Variants in DSE observed in about 807,000 individuals in gnomAD.
The protein encoded by DSE is dermatan sulfate epimerase.
In DSE, 36 loss-of-function variants were observed where a neutral mutation model predicts 84.4. That is an observed-to-expected ratio of 0.43 (90% CI 0.33 to 0.56). DSE has a LOEUF of 0.56. Among genes scored for constraint, DSE ranks in the 20% least tolerant of loss-of-function variants. The probability of loss-of-function intolerance (pLI) is 0.06; values close to 1 mark genes in which losing one functional copy is unlikely to be tolerated. For missense variants in DSE, 862 were observed against 1,169.6 expected (o/e 0.74, Z 3.84); for synonymous variants, 410 against 430.1 (o/e 0.95, Z 0.58).
At position 116,279,512 on chromosome 6, in the gene DSE, C is replaced by T. The variant is rs778066670; in HGVS notation, c.-54+20545C>T. On this transcript the variant is annotated intron_variant, in intron 2 of 3. Coordinates refer to the DSE transcript ENST00000430252. ...ATCACCACAGAAGCGGCTGCCAGGC[C>T]TTCGGCGGGAGGCTGGCCCTCTTCC... The T allele has an allele frequency of 2.5e-6, 4 of 1,609,290 alleles. No homozygotes were observed. In the East Asian group the frequency reaches 8.9e-5, roughly 36 times the overall value.
chr6:116,373,203 C>CA (rs1441964762), intron 1 of DSE, among the ~76,000 whole-genome samples: 2 of 151,850 alleles, frequency 1.3e-5, no homozygotes, highest in African/African-American at 4.8e-5. Flanking sequence ...AAATACAAAA[C>CA]AAAAAATAAA....
At chr6:116,355,050 C>T (rs757339714) in intron 2 of DSE, among the ~76,000 whole-genome samples, 2 of 152,094 alleles carry the variant, frequency 1.3e-5, no homozygotes, top group Non-Finnish European at 2.9e-5. Context: ...TACCTATATG[C>T]GTAATTCATT....
intron 2 of DSE, chr6:116,278,573 G>T: frequency 6.2e-7 from 1 of 1,614,194 alleles, no homozygotes; most frequent in Non-Finnish European, 8.5e-7. Flanking sequence ...CTTAGCGGGC[G>T]ACGTCGGGCT....
At chr6:116,378,715 C>T (rs546856276) in intron 1 of DSE, among the ~76,000 whole-genome samples, 8 of 152,134 alleles carry the variant, frequency 5.3e-5, no homozygotes, top group Non-Finnish European at 7.4e-5. Flanking sequence ...TTGTCACAAT[C>T]AAATTAATTA....
intron 2 of DSE, among the ~76,000 whole-genome samples, chr6:116,363,212 T>G (rs1404605635): frequency 6.6e-6 from 1 of 152,136 alleles, no homozygotes; most frequent in Non-Finnish European, 1.5e-5. Context: ...GTTTAATGAC[T>G]GATCAGAAAG....
intron 2 of DSE, among the ~76,000 whole-genome samples, chr6:116,363,234 A>AATAT (rs1328615371): frequency 6.6e-6 from 1 of 151,908 alleles, no homozygotes; most frequent in African/African-American, 2.4e-5. Flanking sequence ...GAGATATTTA[A>AATAT]ATATATATAT....
At chr6:116,334,706 C>A (rs1311275015) in intron 2 of DSE, among the ~76,000 whole-genome samples, 1 of 151,768 alleles carries the variant, frequency 6.6e-6, no homozygotes, top group Non-Finnish European at 1.5e-5. Context: ...AACAAATTTA[C>A]AAGAAAAAAG....
chr6:116,342,969 C>A (rs750175873), intron 2 of DSE, among the ~76,000 whole-genome samples: 32 of 152,196 alleles, frequency 2.1e-4, no homozygotes, highest in Non-Finnish European at 3.4e-4. Context: ...TTCCAATGGT[C>A]TTAGCAAATG....
intron 2 of DSE, among the ~76,000 whole-genome samples, chr6:116,330,481 A>G (rs1303368161): frequency 1.3e-5 from 2 of 152,230 alleles, no homozygotes; most frequent in Non-Finnish European, 2.9e-5. Context: ...ATTTATTTTA[A>G]TAAGGGAACT....
In DSE at chr6:116,435,720, A is replaced by T; in HGVS notation, c.1252A>T (p.Lys418Ter). 6.2e-7 allele frequency: 1 copy of T among 1,614,136 alleles called. No individual in the cohort carries two copies. The highest frequency in any genetic ancestry group is 1.3e-5 in the African/African-American group (1 of 75,048). The change falls in exon 6 of 6, where the codon AAG (lysine) becomes TAG (stop). Residue 418 changes from lysine to a stop codon, truncating the protein, a stop_gained. Coordinates refer to ENST00000644252, the MANE Select transcript of DSE (RefSeq NM_013352.4). LOFTEE classifies it high-confidence loss of function. The stretch of plus-strand genomic sequence containing the variant: ...AATCAATAGATCTTTCCTTTCCTTC[A>T]AGTCTGGAAAACTGGGGGGACGTGC... ...AEINRSFLSF[K>*]SGKLGGRAIY... is the part of the protein sequence containing the mutation.
intron 2 of DSE, among the ~76,000 whole-genome samples, chr6:116,288,739 G>A (rs530215470): frequency 6.6e-6 from 1 of 152,118 alleles, no homozygotes; most frequent in South Asian, 2.1e-4. Context: ...CTGCTATATT[G>A]GATCTCATGC....
chr6:116,279,108 A>G (rs373867202), intron 2 of DSE: 4 of 1,614,104 alleles, frequency 2.5e-6, no homozygotes, highest in Non-Finnish European at 2.5e-6. Context: ...GAGCATTCAC[A>G]GTGTCCAGTT....
chr6:116,279,706 G>A (rs1171349292), intron 2 of DSE: 1 of 1,610,988 alleles, frequency 6.2e-7, no homozygotes, highest in East Asian at 2.2e-5. Flanking sequence ...CACCTGTGTC[G>A]CCTCGCTTTG....
chr6:116,258,485 TG>T (rs1263810255), exon 2 of DSE: 3 of 1,063,874 alleles, frequency 2.8e-6, no homozygotes, highest in Non-Finnish European at 4.4e-6. Flanking sequence ...GGGCAACAGC[TG>T]GGAAAATCAG....
chr6:116,391,737 C>G (rs1454755272), intron 1 of DSE, among the ~76,000 whole-genome samples: 2 of 148,830 alleles, frequency 1.3e-5, no homozygotes, highest in East Asian at 2.0e-4. Flanking sequence ...TGCACTCCAG[C>G]CTGGGCAACA....
chr6:116,335,960 T>C (rs1655990223), intron 2 of DSE, among the ~76,000 whole-genome samples: 2 of 152,204 alleles, frequency 1.3e-5, no homozygotes, highest in Admixed American at 6.5e-5. Context: ...TATTTTGGTC[T>C]GGTCTGGTCT....
intron 1 of DSE, among the ~76,000 whole-genome samples, chr6:116,377,584 G>C (rs1205617643): frequency 6.6e-6 from 1 of 152,170 alleles, no homozygotes; most frequent in Non-Finnish European, 1.5e-5. Context: ...TAGTCCTTTA[G>C]ACTGGGGTAC....
At position 116,437,315 on chromosome 6, in the gene DSE, G is replaced by C; in HGVS notation, c.2847G>C (p.Leu949Phe). 1 of 1,612,488 alleles carries C rather than the reference G, an allele frequency of 6.2e-7. No homozygotes were observed. The highest frequency in any genetic ancestry group is 8.5e-7 in the Non-Finnish European group (1 of 1,179,322). The change falls in exon 6 of 6, where the codon TTG (leucine) becomes TTC (phenylalanine). Residue 949 changes from leucine (L) to phenylalanine (F), a missense_variant. Physicochemically the swap from Leu to Phe is conservative, Grantham distance 22 (BLOSUM62 0). Transcript: ENST00000644252. ...TAGATAGCTGTATTTTATTATGGTT[G>C]TACTCTTCTTGTTCCCAATCACAGT... ...LLIDSCILLW[L>F]YSSCSQSQC
upstream of DSE, among the ~76,000 whole-genome samples, chr6:116,365,712 G>A (rs1779130742): frequency 6.6e-6 from 1 of 152,194 alleles, no homozygotes; most frequent in African/African-American, 2.4e-5. Flanking sequence ...AATTAAATCA[G>A]AATTTCTAAG....
Sources: allele counts gnomAD v4.1 joint callset (sites outside exome capture counted in the v4.1 genomes callset), GRCh38; gene constraint gnomAD v4.1.1; transcripts MANE v1.5; gene names NCBI Gene and HGNC (gene_info 2026-07-23, HGNC 2026-07-21).